The following APCDD1 variants were observed in gnomAD, a reference collection of about 807,000 sequenced individuals.
APCDD1 encodes the protein APC down-regulated 1.
In APCDD1, 15 loss-of-function variants were observed where a neutral mutation model predicts 38.1. That is an observed-to-expected ratio of 0.39 (90% CI 0.26 to 0.61). APCDD1 has a LOEUF of 0.61. Among genes scored for constraint, APCDD1 ranks in the 20% least tolerant of loss-of-function variants. The pLI is 0.49. For synonymous variants in APCDD1, 261 were observed against 279.7 expected (o/e 0.93, Z 0.67); for missense variants, 647 against 696.2 (o/e 0.93, Z 0.79).
At chr18:10,477,541 G>C (rs541261104) in intron 3 of APCDD1, 2 of 152,220 alleles carry the variant, frequency 1.3e-5, no homozygotes, top group Non-Finnish European at 2.9e-5. Context: ...GGCATGCAAG[G>C]TTGCTTTATT....
intron 1 of APCDD1, among the ~76,000 whole-genome samples, chr18:10,457,374 A>T (rs2030409045): frequency 2.0e-5 from 3 of 152,230 alleles, no homozygotes; most frequent in African/African-American, 7.2e-5. Flanking sequence ...AATATGTCGT[A>T]CTCAACTGAT....
chr18:10,455,256 G>A (rs1419901640), intron 1 of APCDD1, among the ~76,000 whole-genome samples: 1 of 152,180 alleles, frequency 6.6e-6, no homozygotes, highest in African/African-American at 2.4e-5. Context: ...CAGGGCGCCC[G>A]GAGCTCTTTG....
At chr18:10,460,785 G>A (rs1170764320) in intron 1 of APCDD1, among the ~76,000 whole-genome samples, 1 of 152,100 alleles carries the variant, frequency 6.6e-6, no homozygotes, top group East Asian at 1.9e-4. Flanking sequence ...TGGTTTCCGG[G>A]TACACTGGCG....
rs751703029 is a variant in APCDD1 at position 10,454,726 on chromosome 18, G to A, written c.-256G>A. On this transcript the variant is annotated 5_prime_UTR_variant, in exon 1 of 5. Transcript: ENST00000355285. ...GGGGCGGGACGCGGGGCCGGGCGCG[G>A]AGAAGTCGGGGCGGGCGGCAGAGAG... is the stretch of plus-strand genomic sequence containing the variant. 3.7e-4 allele frequency: 361 copies of A among 982,538 alleles called. No individual in the cohort carries two copies. The African/African-American group carries it at 5.9e-3, about 16-fold the overall frequency. The allele number at this position is 982,538 out of a possible 1,614,324, so 60.9% of individuals were successfully genotyped here. A position where few individuals can be genotyped will look rare whatever the true frequency, so the allele number is the denominator to read the frequency against.
Position 10,468,481 on chromosome 18 carries a change from G to T in APCDD1, c.71G>T (p.Gly24Val), listed in dbSNP as rs1287618773. The T allele has an allele frequency of 6.2e-7, 1 of 1,614,044 alleles. No individual in the cohort carries two copies. The highest frequency in any genetic ancestry group is 8.5e-7 in the Non-Finnish European group (1 of 1,180,048). Residue 24 changes from glycine (G) to valine (V), a missense_variant, in exon 2 of 5, where the codon GGT becomes GTT. By Grantham distance (109) the Gly-to-Val change is moderately radical. Coordinates refer to ENST00000355285, the MANE Select transcript of APCDD1 (RefSeq NM_153000.5). ...CTTTATTTTTCAGGGCTGGGAGAGGGTTCTGCCCTCCTTCATCCAGACAGC... is the reference window on the plus strand; with the variant it reads ...CTTTATTTTTCAGGGCTGGGAGAGGTTTCTGCCCTCCTTCATCCAGACAGC... Reference protein sequence around the residue: ...PALLLHGLGEGSALLHPDSRS... With the variant: ...PALLLHGLGEVSALLHPDSRS...
intron 1 of APCDD1, among the ~76,000 whole-genome samples, chr18:10,465,302 C>A (rs2030679182): frequency 6.6e-6 from 1 of 152,152 alleles, no homozygotes; most frequent in African/African-American, 2.4e-5. Context: ...CCCACATCAC[C>A]TTTATGTCCA....
rs1406361119 is a variant in APCDD1, at chr18:10,487,606, C to T, written c.1113C>T (p.Val371=). ...CCTTTGCAGTGAATCACATGAAGGTCACCCCCATGGATGCGGCCACAGCCT... is the reference window on the plus strand; with the variant it reads ...CCTTTGCAGTGAATCACATGAAGGTTACCCCCATGGATGCGGCCACAGCCT... The part of the protein sequence containing the change: ...EFVFKVNHMK[V]TPMDAATASL... The change falls in exon 5 of 5, where the codon GTC becomes GTT. Residue 371 remains valine (V), a synonymous_variant. Transcript: ENST00000355285. The T allele has an allele frequency of 6.2e-6, 10 of 1,614,008 alleles. No individual in the cohort carries two copies. Among genetic ancestry groups the T allele is most frequent in the Non-Finnish European group, 8.5e-6 (10 of 1,180,056 alleles).
Position 10,485,550 on chromosome 18 carries a change from C to G in APCDD1, c.863C>G (p.Thr288Ser). The stretch of plus-strand genomic sequence containing the variant: ...ATCCTGCCCCCAAAGGCAGACCTGA[C>G]CATCGGCCTGCACGGGGAGTGGGTG... ...PPILPPKADLTIGLHGEWVSQ... is the reference protein window; with the variant it reads ...PPILPPKADLSIGLHGEWVSQ... The change falls in exon 4 of 5, where the codon ACC (threonine) becomes AGC (serine). Residue 288 changes from threonine (T) to serine (S), a missense_variant. By Grantham distance (58) the Thr-to-Ser change is moderately conservative (BLOSUM62 1). Coordinates refer to ENST00000355285, the MANE Select transcript of APCDD1 (RefSeq NM_153000.5). The surrounding 1 kb of genome is among the most constrained non-coding windows in gnomAD (Gnocchi z 5.8). 3 of 1,614,164 alleles carry G rather than the reference C, an allele frequency of 1.9e-6. No individual in the cohort carries two copies. Among genetic ancestry groups the G allele is most frequent in the Non-Finnish European group, 2.5e-6 (3 of 1,180,036 alleles).
Position 10,487,866 on chromosome 18 carries a change from C to T in APCDD1, c.1373C>T (p.Ser458Phe). ...GACAGGCCAGAGAAGAGAGCCACGTCCTACCAGATGCCCTTGGTCCAGTGT... is the reference window on the plus strand; with the variant it reads ...GACAGGCCAGAGAAGAGAGCCACGTTCTACCAGATGCCCTTGGTCCAGTGT... ...SPDRPEKRAT[S>F]YQMPLVQCAS... is the part of the protein sequence containing the mutation. The change falls in exon 5 of 5, where the codon TCC (serine) becomes TTC (phenylalanine). Residue 458 changes from serine (S) to phenylalanine (F), a missense_variant. Coordinates refer to ENST00000355285, the MANE Select transcript of APCDD1 (RefSeq NM_153000.5). The T allele has an allele frequency of 6.2e-7, 1 of 1,613,826 alleles. No homozygotes were observed. The highest frequency in any genetic ancestry group is 8.5e-7 in the Non-Finnish European group (1 of 1,180,022).
chr18:10,466,721 C>A (rs1188397309), intron 1 of APCDD1, among the ~76,000 whole-genome samples: 3 of 152,150 alleles, frequency 2.0e-5, no homozygotes, highest in Non-Finnish European at 4.4e-5. Context: ...GGAAAGGAAG[C>A]CCTGGCTTAA....
chr18:10,485,837 A>G lies in APCDD1; in HGVS notation c.1096+54A>G. ...CACAGCCAATAAACAGCCCTGTGAC[A>G]TTTTTGTGGAGGCAGAGCTGAGGGA... On this transcript the variant is annotated intron_variant, in intron 4 of 4. Coordinates refer to ENST00000355285, the MANE Select transcript of APCDD1 (RefSeq NM_153000.5). This position sits in a 1 kb window ranked among gnomAD's most constrained non-coding sequence, Gnocchi z 5.8. 1 of 1,582,966 alleles carries G rather than the reference A, an allele frequency of 6.3e-7. No homozygotes were observed. Among genetic ancestry groups the G allele is most frequent in the Non-Finnish European group, 8.6e-7 (1 of 1,163,722 alleles).
At chr18:10,486,106 C>T (rs568270001) in intron 4 of APCDD1, among the ~76,000 whole-genome samples, 3 of 152,334 alleles carry the variant, frequency 2.0e-5, no homozygotes, top group Admixed American at 6.5e-5. Flanking sequence ...AATCCCAACA[C>T]TTTGGGAAAC....
At chr18:10,457,488 G>A (rs1467589733) in intron 1 of APCDD1, among the ~76,000 whole-genome samples, 1 of 152,156 alleles carries the variant, frequency 6.6e-6, no homozygotes, top group East Asian at 1.9e-4. Flanking sequence ...AATCTTCTAA[G>A]GAATTAGTGA....
At chr18:10,455,969 G>A (rs1411124862) in intron 1 of APCDD1, among the ~76,000 whole-genome samples, 1 of 152,146 alleles carries the variant, frequency 6.6e-6, no homozygotes, top group East Asian at 1.9e-4. Context: ...TGACTTCACG[G>A]CTCTCCTTCC....
In APCDD1 at chr18:10,476,802, G is replaced by A. The variant is rs1427576007; in HGVS notation, c.774+4741G>A. On this transcript the variant is annotated intron_variant, in intron 3 of 4. Coordinates refer to ENST00000355285, the MANE Select transcript of APCDD1 (RefSeq NM_153000.5). The surrounding 1 kb of genome is among the most constrained non-coding windows in gnomAD (Gnocchi z 5.8). ...CACACGGGAGGGAGAAAAGCACCGG[G>A]CTTTGGGAGTACCTGAGAACTGCAG... 1 of 152,216 alleles carries A rather than the reference G, an allele frequency of 6.6e-6. No homozygotes were observed. Among genetic ancestry groups the A allele is most frequent in the African/African-American group, 2.4e-5 (1 of 41,446 alleles). The allele number at this position is 152,216 out of a possible 1,614,324, so 9.4% of individuals were successfully genotyped here.
At chr18:10,473,925 A>ATTTTTT (rs10691722) in intron 3 of APCDD1, among the ~76,000 whole-genome samples, 2 of 127,816 alleles carry the variant, frequency 1.6e-5, no homozygotes, top group African/African-American at 5.9e-5. Context: ...CCTTTCTGGG[A>ATTTTTT]TTTTTTTTTT....
chr18:10,466,072 T>C (rs1032346942), intron 1 of APCDD1, among the ~76,000 whole-genome samples: 1 of 152,244 alleles, frequency 6.6e-6, no homozygotes, highest in South Asian at 2.1e-4. Flanking sequence ...CTTAGTAGCA[T>C]ATTTATAGCA....
chr18:10,486,314 A>G (rs1045575696), intron 4 of APCDD1, among the ~76,000 whole-genome samples: 10 of 152,162 alleles, frequency 6.6e-5, no homozygotes, highest in Non-Finnish European at 1.3e-4. Context: ...TGATCATGCC[A>G]CTGTACTCCA....
At chr18:10,455,628 A>G (rs552286950) in intron 1 of APCDD1, among the ~76,000 whole-genome samples, 1 of 152,286 alleles carries the variant, frequency 6.6e-6, no homozygotes, top group African/African-American at 2.4e-5. Flanking sequence ...GTGTAATTTT[A>G]AGAAACAGGG....
Sources: gnomAD v4.1 joint callset for allele counts (sites outside exome capture counted in the v4.1 genomes callset) on GRCh38, gnomAD v4.1.1 for gene constraint, Gnocchi (gnomAD v3.1) non-coding constraint, MANE v1.5 for transcripts, NCBI Gene and HGNC (gene_info 2026-07-23, HGNC 2026-07-21) for gene names.